The following TOX2 variants were observed in gnomAD, a reference collection of about 807,000 sequenced individuals.
TOX2 encodes granulosa cell HMG box 1.
A neutral mutation model predicts 47.4 loss-of-function variants in TOX2; 15 were observed. The observed-to-expected ratio is 0.32, with a 90% confidence interval of 0.21 to 0.49. The LOEUF (loss-of-function observed/expected upper bound fraction) is 0.49, where lower values mean the gene tolerates loss of function less well. Among genes scored for constraint, TOX2 ranks in the 20% least tolerant of loss-of-function variants. The pLI, the probability that TOX2 is intolerant of heterozygous loss-of-function variation, is 0.99. For synonymous variants in TOX2, 290 were observed against 296.6 expected (o/e 0.98, Z 0.23); for missense variants, 622 against 673.1 (o/e 0.92, Z 0.84).
At chr20:44,043,598 G>C (rs6031317) in intron 3 of TOX2, among the ~76,000 whole-genome samples, 120,343 of 152,132 alleles carry the variant, frequency 0.79, 47,936 homozygotes, top group African/African-American at 0.88. Context: ...CAGGTTAACC[G>C]TCTACAGAAT....
At chr20:43,997,780 A>T (rs973376393) in intron 2 of TOX2, among the ~76,000 whole-genome samples, 1 of 152,162 alleles carries the variant, frequency 6.6e-6, no homozygotes. Context: ...TCCATCTCTC[A>T]TAAGTTTTGT....
intron 1 of TOX2, among the ~76,000 whole-genome samples, chr20:43,963,732 T>A (rs1468506683): frequency 6.6e-6 from 1 of 152,220 alleles, no homozygotes; most frequent in Non-Finnish European, 1.5e-5. Context: ...GAACAAAGCA[T>A]GAAAATCATC....
chr20:43,982,700 G>A (rs1427999798), intron 2 of TOX2, among the ~76,000 whole-genome samples: 4 of 151,840 alleles, frequency 2.6e-5, no homozygotes, highest in Non-Finnish European at 5.9e-5. Context: ...GAAGGATGCC[G>A]GGGTAGGGTG....
intron 3 of TOX2, among the ~76,000 whole-genome samples, chr20:44,026,664 G>A (rs2071073290): frequency 6.6e-6 from 1 of 152,000 alleles, no homozygotes; most frequent in Admixed American, 6.6e-5. Context: ...GGCTTCTTCT[G>A]CCTCCCTGAC....
intron 6 of TOX2, 76 bp downstream of exon 6, chr20:44,064,933 G>T: frequency 7.1e-7 from 1 of 1,405,972 alleles, no homozygotes. Flanking sequence ...ACTGGGGCCC[G>T]TGGGAAGGGC....
chr20:43,950,267 C>T (rs540835873), intron 1 of TOX2, among the ~76,000 whole-genome samples: 16 of 152,296 alleles, frequency 1.1e-4, no homozygotes, highest in East Asian at 7.7e-4. Flanking sequence ...AGGAAGAAGC[C>T]GCAGGCCAAG....
chr20:43,973,178 G>T (rs6073267), intron 1 of TOX2, among the ~76,000 whole-genome samples, 189 bp from the exon 2 acceptor site: 2 of 152,228 alleles, frequency 1.3e-5, no homozygotes, highest in Non-Finnish European at 2.9e-5. Context: ...CCGTGGAACA[G>T]GGGCTGCTCC....
chr20:44,050,401 A>G (rs753302668), intron 3 of TOX2, among the ~76,000 whole-genome samples: 25 of 152,244 alleles, frequency 1.6e-4, no homozygotes, highest in Non-Finnish European at 3.2e-4. Context: ...TGAAGAAAAA[A>G]TGGGAGAAAA....
At chr20:43,951,642 T>C (rs1251844770) in intron 1 of TOX2, among the ~76,000 whole-genome samples, 1 of 150,058 alleles carries the variant, frequency 6.7e-6, no homozygotes, top group Non-Finnish European at 1.5e-5. Context: ...TTACATGCAA[T>C]ATAGATAAAG....
At position 44,003,856 on chromosome 20, in the gene TOX2, A is replaced by C. The variant is rs138440362; in HGVS notation, c.166-2691A>C. 2.6e-3 allele frequency among the ~76,000 whole-genome samples: 394 copies of C among 152,248 alleles called. 2 individuals are homozygous for C. The highest frequency in any genetic ancestry group is 8.8e-3 in the African/African-American group (365 of 41,528). ...GGGGCCAGGCCATACAAGGACTTCCAGGGCTGGATCTGGGACTGTGGACTT... is the reference window on the plus strand; with the variant it reads ...GGGGCCAGGCCATACAAGGACTTCCCGGGCTGGATCTGGGACTGTGGACTT... On this transcript the variant is annotated intron_variant, in intron 2 of 8. Coordinates refer to ENST00000341197, the MANE Select transcript of TOX2 (RefSeq NM_001098797.2).
chr20:43,990,015 G>A (rs1166766070), intron 2 of TOX2, among the ~76,000 whole-genome samples: 9 of 152,114 alleles, frequency 5.9e-5, no homozygotes, highest in Non-Finnish European at 1.5e-5. Context: ...GAACCATTGA[G>A]TTGGAATCAT....
intron 1 of TOX2, among the ~76,000 whole-genome samples, chr20:43,962,945 A>G (rs182229059): frequency 6.6e-6 from 1 of 152,246 alleles, no homozygotes; most frequent in African/African-American, 2.4e-5. Context: ...ATTCCAATAC[A>G]TCATCAATAT....
At chr20:43,925,052 C>T (rs2069150065) in intron 1 of TOX2, among the ~76,000 whole-genome samples, 1 of 152,122 alleles carries the variant, frequency 6.6e-6, no homozygotes, top group Admixed American at 6.5e-5. Flanking sequence ...TCATCGTGGT[C>T]TATTCTTCTT....
chr20:43,971,318 T>C (rs1426871581), intron 1 of TOX2, among the ~76,000 whole-genome samples: 1 of 152,158 alleles, frequency 6.6e-6, no homozygotes, highest in Non-Finnish European at 1.5e-5. Context: ...TAGAGAATGC[T>C]AGAAGGTAAC....
At chr20:43,974,705 G>A (rs1300523621) in intron 2 of TOX2, among the ~76,000 whole-genome samples, 2 of 152,252 alleles carry the variant, frequency 1.3e-5, no homozygotes, top group African/African-American at 4.8e-5. Context: ...TTCTGTGACA[G>A]GTCCCATGGA....
rs148405789 is a variant in TOX2, at chr20:44,005,274, C to G, written c.166-1273C>G. On this transcript the variant is annotated intron_variant, in intron 2 of 8. Coordinates refer to ENST00000341197, the MANE Select transcript of TOX2 (RefSeq NM_001098797.2). ...AACAGGCATCCATTAGACACTCTTA[C>G]TCTGTCCGCTGTGCACATAAACTCT... Among the ~76,000 whole-genome samples the G allele has an allele frequency of 2.9e-4, 44 of 152,342 alleles. No homozygotes were observed. In the East Asian group the frequency reaches 8.3e-3, roughly 29 times the overall value.
At chr20:44,006,842 G>A in intron 3 of TOX2, 50 bp downstream of exon 3, 1 of 1,579,104 alleles carries the variant, frequency 6.3e-7, no homozygotes, top group Non-Finnish European at 8.6e-7. Flanking sequence ...GCAGGGAGGG[G>A]GTTGAGAGGG....
chr20:43,970,089 A>G (rs1389529678), intron 1 of TOX2, among the ~76,000 whole-genome samples: 2 of 152,160 alleles, frequency 1.3e-5, no homozygotes, highest in Non-Finnish European at 2.9e-5. Context: ...ACTATTGATT[A>G]TATAGTAGGC....
chr20:44,022,184 G>GA (rs1024414096), intron 3 of TOX2, among the ~76,000 whole-genome samples: 1 of 152,190 alleles, frequency 6.6e-6, no homozygotes, highest in African/African-American at 2.4e-5. Context: ...GCCCTGCTGA[G>GA]AGGGGGGTCA....
Sources: gnomAD v4.1 joint callset for allele counts (sites outside exome capture counted in the v4.1 genomes callset) on GRCh38, gnomAD v4.1.1 for gene constraint, MANE v1.5 for transcripts, NCBI Gene and HGNC (gene_info 2026-07-23, HGNC 2026-07-21) for gene names.